NR3C1: variants seen among roughly 807,000 people sequenced by gnomAD.
The protein encoded by NR3C1 is nuclear receptor subfamily 3 group C member 1, also known as glucocorticoid receptor.
In NR3C1, 14 loss-of-function variants were observed where a neutral mutation model predicts 74.0. The observed-to-expected ratio is 0.19, with a 90% CI of 0.12 to 0.30. NR3C1 has a LOEUF of 0.30. NR3C1 is among the 10% of genes least tolerant of loss of function. NR3C1 has a pLI of 1.00. For missense variants in NR3C1, 695 were observed against 909.8 expected (o/e 0.76, Z 3.04); for synonymous variants, 308 against 332.5 (o/e 0.93, Z 0.80).
chr5:143,357,652 C>T (rs1451224503), intron 2 of NR3C1, among the ~76,000 whole-genome samples: 2 of 152,206 alleles, frequency 1.3e-5, no homozygotes, highest in Non-Finnish European at 1.5e-5. Flanking sequence ...TTCCTAGATT[C>T]CACACTCACT....
At chr5:143,416,570 A>G (rs1483135426) in intron 1 of NR3C1, among the ~76,000 whole-genome samples, 2 of 152,106 alleles carry the variant, frequency 1.3e-5, no homozygotes, top group South Asian at 2.1e-4. Context: ...ACTTCAATAC[A>G]TTATTCCCCC....
chr5:143,395,393 C>A (rs1839016537), intron 2 of NR3C1, among the ~76,000 whole-genome samples: 1 of 151,666 alleles, frequency 6.6e-6, no homozygotes, highest in Admixed American at 6.6e-5. Context: ...GTAGTTATAG[C>A]TTAATTCAAC....
chr5:143,332,832 C>T (rs768363915), intron 2 of NR3C1: 132 of 1,477,156 alleles, frequency 8.9e-5, no homozygotes, highest in Non-Finnish European at 1.1e-4. Context: ...AAGACTTCGC[C>T]TAAAGAAAAT....
intron 2 of NR3C1, among the ~76,000 whole-genome samples, chr5:143,384,945 G>A (rs543667396): frequency 6.6e-6 from 1 of 152,338 alleles, no homozygotes; most frequent in South Asian, 2.1e-4. Context: ...GGATCTCCAT[G>A]AGGGCTCTGC....
intron 2 of NR3C1, among the ~76,000 whole-genome samples, chr5:143,334,640 G>C (rs1394258393): frequency 6.6e-6 from 1 of 151,652 alleles, no homozygotes; most frequent in African/African-American, 2.4e-5. Context: ...TGAATCTGGA[G>C]AGTCCTGGGG....
intron 7 of NR3C1, among the ~76,000 whole-genome samples, chr5:143,291,923 T>C (rs955659472): frequency 4.6e-5 from 7 of 152,378 alleles, no homozygotes; most frequent in African/African-American, 1.4e-4. Flanking sequence ...TATCTGATAA[T>C]TGAAATATTT....
At chr5:143,309,392 A>C (rs1820417531) in intron 4 of NR3C1, among the ~76,000 whole-genome samples, 1 of 152,200 alleles carries the variant, frequency 6.6e-6, no homozygotes, top group African/African-American at 2.4e-5. Flanking sequence ...CATTCAGGTC[A>C]TGGAGTTGAA....
chr5:143,314,441 A>G (rs1821660603), intron 2 of NR3C1, among the ~76,000 whole-genome samples: 1 of 128,262 alleles, frequency 7.8e-6, no homozygotes, highest in South Asian at 2.4e-4. Context: ...TTTTTTTTAG[A>G]TGCTTAGGAT....
intron 2 of NR3C1, among the ~76,000 whole-genome samples, chr5:143,367,430 T>C (rs1230781937): frequency 1.3e-5 from 2 of 152,036 alleles, no homozygotes; most frequent in African/African-American, 4.8e-5. Flanking sequence ...GAAAAAGAAG[T>C]AAAAAATGTC....
chr5:143,339,431 G>T (rs541387098), intron 2 of NR3C1, among the ~76,000 whole-genome samples: 1 of 151,934 alleles, frequency 6.6e-6, no homozygotes, highest in South Asian at 2.1e-4. Context: ...TTATTTCTGG[G>T]ATATTTTCTT....
intron 2 of NR3C1, 101 bp from the exon 3 acceptor site, chr5:143,314,269 A>C (rs1821606210): frequency 2.3e-6 from 3 of 1,283,120 alleles, no homozygotes; most frequent in Non-Finnish European, 3.3e-6. Flanking sequence ...CTCACAGTGA[A>C]CTCTGGCTTC....
chr5:143,419,182 C>T (rs1751085298), intron 1 of NR3C1, among the ~76,000 whole-genome samples: 2 of 152,118 alleles, frequency 1.3e-5, no homozygotes, highest in Non-Finnish European at 2.9e-5. Flanking sequence ...AATCCAAAAC[C>T]CTTCCTGTCG....
intron 2 of NR3C1, among the ~76,000 whole-genome samples, chr5:143,376,883 C>T (rs1233180208): frequency 1.3e-5 from 2 of 151,950 alleles, no homozygotes; most frequent in Non-Finnish European, 2.9e-5. Flanking sequence ...GGATAAGGTG[C>T]GGTGGAGGAC....
At chr5:143,286,405 A>C (rs1157676294) in intron 7 of NR3C1, among the ~76,000 whole-genome samples, 5 of 152,208 alleles carry the variant, frequency 3.3e-5, no homozygotes, top group Admixed American at 3.3e-4. Flanking sequence ...ATACTATATC[A>C]TAACCAAATA....
chr5:143,301,260 C>T (rs564987975), intron 4 of NR3C1, among the ~76,000 whole-genome samples: 2 of 152,140 alleles, frequency 1.3e-5, no homozygotes, highest in African/African-American at 4.8e-5. Context: ...ACACTATTTA[C>T]ACTTGTTCAA....
chr5:143,358,731 G>GT (rs1207875384), intron 2 of NR3C1, among the ~76,000 whole-genome samples: 5 of 149,966 alleles, frequency 3.3e-5, no homozygotes, highest in African/African-American at 4.9e-5. Flanking sequence ...GAGAAACCCC[G>GT]TCTCTACTAA....
upstream of NR3C1, chr5:143,405,333 C>T (rs1171657573): frequency 1.0e-6 from 1 of 985,504 alleles, no homozygotes; most frequent in Admixed American, 6.1e-5. Context: ...CACTCTCTCA[C>T]CTCCCGCCGC....
intron 2 of NR3C1, among the ~76,000 whole-genome samples, chr5:143,366,856 A>T (rs1833309245): frequency 6.6e-6 from 1 of 152,160 alleles, no homozygotes; most frequent in South Asian, 2.1e-4. Context: ...TCACTAGTGA[A>T]TTTTACCAAA....
At chr5:143,418,932 G>T (rs1751067304) in intron 1 of NR3C1, among the ~76,000 whole-genome samples, 1 of 152,130 alleles carries the variant, frequency 6.6e-6, no homozygotes, top group Non-Finnish European at 1.5e-5. Flanking sequence ...TAAGGCTGTT[G>T]TCACAATTCA....
Sources: gnomAD v4.1 joint callset for allele counts (sites outside exome capture counted in the v4.1 genomes callset) on GRCh38, gnomAD v4.1.1 for gene constraint, MANE v1.5 for transcripts, NCBI Gene and HGNC (gene_info 2026-07-23, HGNC 2026-07-21) for gene names.